RABGAP1L: variants seen among roughly 807,000 people sequenced by gnomAD.
RABGAP1L encodes the protein rab GTPase-activating protein 1-like.
Under a neutral mutation model 137.7 loss-of-function variants are expected in RABGAP1L, and 63 were observed. The ratio of observed to expected loss-of-function variants is 0.46; its 90% CI spans 0.37 to 0.56. The LOEUF (loss-of-function observed/expected upper bound fraction) is 0.56. Ranked by LOEUF, RABGAP1L falls within the 20% of genes least tolerant of loss-of-function variation. The pLI is 0.00. For missense variants in RABGAP1L, 1,095 were observed against 1,244.0 expected (o/e 0.88, Z 1.80); for synonymous variants, 431 against 433.7 (o/e 0.99, Z 0.08).
At chr1:174,615,662 G>C (rs372206508) in intron 13 of RABGAP1L, among the ~76,000 whole-genome samples, 1 of 152,208 alleles carries the variant, frequency 6.6e-6, no homozygotes. Context: ...TGTTGTTTGT[G>C]TGTGCCCTGC....
At chr1:174,376,813 T>C (rs941610540) in intron 12 of RABGAP1L, among the ~76,000 whole-genome samples, 4 of 152,166 alleles carry the variant, frequency 2.6e-5, no homozygotes, top group African/African-American at 7.2e-5. Flanking sequence ...TCTACTCTCA[T>C]GACTCTTACT....
intron 17 of RABGAP1L, among the ~76,000 whole-genome samples, chr1:174,719,641 T>TATAAGACAAG: frequency 6.6e-6 from 1 of 152,310 alleles, no homozygotes; most frequent in Admixed American, 6.5e-5. Context: ...ATGTGCTAGG[T>TATAAGACAAG]ATAAGACAAG....
chr1:174,752,318 G>A lies in RABGAP1L; in HGVS notation c.2175G>A (p.Leu725=), dbSNP rs1385191340. The A allele has an allele frequency of 1.9e-6, 3 of 1,584,932 alleles. No individual in the cohort carries two copies. Among genetic ancestry groups the A allele is most frequent in the South Asian group, 1.1e-5 (1 of 87,134 alleles). The part of the protein sequence containing the change: ...HIIDLLLCEG[L]NIIFHVALAL... ...ACTTTCTTTTTCTATTTCAGGGTTT[G>A]AACATAATCTTTCATGTAGCTTTGG... is the stretch of plus-strand genomic sequence containing the variant. The change falls in exon 18 of 26, where the codon TTG becomes TTA. Residue 725 remains leucine (L), a synonymous_variant. Transcript: ENST00000681986.
chr1:174,374,220 G>T (rs1571475356), intron 12 of RABGAP1L, among the ~76,000 whole-genome samples: 1 of 152,150 alleles, frequency 6.6e-6, no homozygotes, highest in African/African-American at 2.4e-5. Flanking sequence ...CTGGGGGAAG[G>T]CTTAGGAATT....
At chr1:174,923,652 C>T (rs769920014) in intron 19 of RABGAP1L, among the ~76,000 whole-genome samples, 82 of 151,460 alleles carry the variant, frequency 5.4e-4, no homozygotes, top group African/African-American at 1.9e-3. Flanking sequence ...GGAGCCCAGG[C>T]GGGTGGATCA....
intron 7 of RABGAP1L, among the ~76,000 whole-genome samples, chr1:174,254,136 G>A (rs1038561157): frequency 4.0e-5 from 6 of 151,592 alleles, no homozygotes; most frequent in Non-Finnish European, 7.4e-5. Context: ...GCTCCACTTT[G>A]TTCCCATCTT....
chr1:174,601,716 A>T (rs1415567583), intron 13 of RABGAP1L, among the ~76,000 whole-genome samples: 1 of 152,174 alleles, frequency 6.6e-6, no homozygotes, highest in Non-Finnish European at 1.5e-5. Flanking sequence ...AAATTTTCTG[A>T]ACTTTTATGC....
chr1:174,700,969 T>A lies in RABGAP1L; in HGVS notation c.2026-1144T>A. The A allele has an allele frequency of 6.0e-6, 6 of 1,007,690 alleles. No individual in the cohort carries two copies. The South Asian group carries it at 6.8e-5, about 11-fold the overall frequency. The allele number at this position is 1,007,690 out of a possible 1,614,324, so 62.4% of individuals were successfully genotyped here. The stretch of plus-strand genomic sequence containing the variant: ...AACCACATTTTTCTGTTAGCAGTTT[T>A]TTTTCAGTTAACTGAATGAGCATTT... On this transcript the variant is annotated intron_variant, in intron 16 of 25. Transcript: ENST00000681986.
chr1:174,392,683 A>T lies in RABGAP1L; in HGVS notation c.1560-1312A>T, dbSNP rs570030449. Among the ~76,000 whole-genome samples the T allele has an allele frequency of 5.3e-5, 8 of 152,332 alleles. No homozygotes were observed. In the East Asian group the frequency reaches 1.5e-3, roughly 29 times the overall value. On this transcript the variant is annotated intron_variant, in intron 12 of 25. Transcript: ENST00000681986. ...TATGACAGTATGGGGAAAGCAAGGA[A>T]TATATTTTCAGAGGAAGGTATGCCA...
intron 18 of RABGAP1L, among the ~76,000 whole-genome samples, chr1:174,791,755 CGCTGTGGCTGA>C (rs1553253222): frequency 2.0e-5 from 3 of 152,174 alleles, no homozygotes; most frequent in Non-Finnish European, 4.4e-5. Context: ...CTTACAGAGA[CGCTGTGGCTGA>C]GCTGCCAAGG....
At chr1:174,283,475 A>G (rs2148694481) in intron 10 of RABGAP1L, among the ~76,000 whole-genome samples, 1 of 151,792 alleles carries the variant, frequency 6.6e-6, no homozygotes, top group East Asian at 1.9e-4. Flanking sequence ...GAATATGTAA[A>G]TGATTTTGGG....
chr1:174,543,755 G>A (rs910604150), intron 13 of RABGAP1L, among the ~76,000 whole-genome samples: 1 of 152,110 alleles, frequency 6.6e-6, no homozygotes, highest in African/African-American at 2.4e-5. Flanking sequence ...TCCATGTTTA[G>A]TGCTTCCTTC....
chr1:174,430,571 C>G (rs1652514279), intron 13 of RABGAP1L, among the ~76,000 whole-genome samples: 1 of 152,044 alleles, frequency 6.6e-6, no homozygotes, highest in Admixed American at 6.6e-5. Flanking sequence ...TTAGTGTATT[C>G]TAGGGCAGAG....
chr1:174,981,774 A>C (rs1045273963), intron 23 of RABGAP1L, among the ~76,000 whole-genome samples: 1 of 151,900 alleles, frequency 6.6e-6, no homozygotes, highest in Non-Finnish European at 1.5e-5. Flanking sequence ...CTTTGAAAGC[A>C]CCTATTTCTA....
intron 13 of RABGAP1L, among the ~76,000 whole-genome samples, chr1:174,422,587 C>T (rs1474876337): frequency 6.6e-6 from 1 of 152,004 alleles, no homozygotes; most frequent in Non-Finnish European, 1.5e-5. Context: ...AATACAGGCC[C>T]AAGAGAAGTT....
chr1:174,665,538 C>G (rs981688733), intron 14 of RABGAP1L, among the ~76,000 whole-genome samples: 1 of 151,740 alleles, frequency 6.6e-6, no homozygotes, highest in African/African-American at 2.4e-5. Flanking sequence ...TCACCGTAAC[C>G]TCTGCCTCCT....
At chr1:174,438,402 A>T (rs1224708719) in intron 13 of RABGAP1L, among the ~76,000 whole-genome samples, 1 of 152,096 alleles carries the variant, frequency 6.6e-6, no homozygotes, top group African/African-American at 2.4e-5. Context: ...TGACGTTCTT[A>T]ACAATATTGA....
At chr1:174,521,686 A>G (rs1248184678) in intron 13 of RABGAP1L, among the ~76,000 whole-genome samples, 1 of 152,244 alleles carries the variant, frequency 6.6e-6, no homozygotes, top group Non-Finnish European at 1.5e-5. Flanking sequence ...AGGAATCTCA[A>G]TTATAAGTTT....
At chr1:174,226,422 G>A (rs559331066) in intron 3 of RABGAP1L, among the ~76,000 whole-genome samples, 10 of 152,258 alleles carry the variant, frequency 6.6e-5, no homozygotes, top group South Asian at 2.1e-4. Flanking sequence ...AGAGTCCTCC[G>A]GTCGTTGCTT....
Sources: allele counts gnomAD v4.1 joint callset (sites outside exome capture counted in the v4.1 genomes callset), GRCh38; gene constraint gnomAD v4.1.1; transcripts MANE v1.5; gene names NCBI Gene and HGNC (gene_info 2026-07-23, HGNC 2026-07-21).